The following NBAS variants were observed in gnomAD, a reference collection of about 807,000 sequenced individuals.
NBAS encodes the protein NAG/BC035112 fusion.
A neutral mutation model predicts 302.5 loss-of-function variants in NBAS; 219 were observed. That is an observed-to-expected ratio of 0.72 (90% confidence interval 0.65 to 0.81). NBAS has a LOEUF of 0.81. NBAS is among the 30% of genes least tolerant of loss of function. The probability of loss-of-function intolerance (pLI) is 0.00; values close to 1 mark genes in which losing one functional copy is unlikely to be tolerated. For missense variants in NBAS, 2,932 were observed against 2,841.6 expected, an observed-to-expected ratio of 1.03 and a Z score of -0.72; for synonymous variants, 1,118 against 1,021.6, an observed-to-expected ratio of 1.09 and a Z score of -1.80.
rs772495416 is a variant in NBAS at position 15,558,585 on chromosome 2, A to T, written c.167T>A (p.Ile56Asn). 1 of 1,612,476 alleles carries T rather than the reference A, an allele frequency of 6.2e-7. No homozygotes were observed. Among genetic ancestry groups the T allele is most frequent in the Non-Finnish European group, 8.5e-7 (1 of 1,179,216 alleles). The change falls in exon 2 of 52, where the codon ATT becomes AAT. Residue 56 changes from isoleucine (I) to asparagine (N), a missense_variant. Transcript: ENST00000281513. ...HGASFIITKAIRDRLLFLRQY... is the reference protein window; with the variant it reads ...HGASFIITKANRDRLLFLRQY... Reference sequence around the variant, plus strand: ...GAGAAATAAGCTATATTTACCTCGAATTGCTTTCGTGATGATAAAGGATGC... The same window carrying T: ...GAGAAATAAGCTATATTTACCTCGATTTGCTTTCGTGATGATAAAGGATGC...
Position 15,539,223 on chromosome 2 carries a change from C to A in NBAS, c.513G>T (p.Pro171=). ...LMGSELFVIS[P]ASSFIGDLSY... ...TTTTCAATTTAAGCTATGTACATACCGGGGAAATGACAAAGAGTTCACTTC... is the reference window on the plus strand; with the variant it reads ...TTTTCAATTTAAGCTATGTACATACAGGGGAAATGACAAAGAGTTCACTTC... Residue 171 remains proline (P), a splice_region_variant and synonymous_variant, in exon 7 of 52, where the codon CCG becomes CCT. Transcript: ENST00000281513. The A allele has an allele frequency of 1.2e-6, 2 of 1,614,112 alleles. No homozygotes were observed. The highest frequency in any genetic ancestry group is 1.7e-6 in the Non-Finnish European group (2 of 1,180,006).
At chr2:15,156,312 G>A in the NBAS span, among the ~76,000 whole-genome samples, 2 of 152,206 alleles carry the variant, frequency 1.3e-5, no homozygotes, top group Non-Finnish European at 2.9e-5. Context: ...TATAGGGCAG[G>A]GGGATAGGTT....
At chr2:15,221,100 A>G (rs1666930574) in intron 47 of NBAS, among the ~76,000 whole-genome samples, 1 of 152,232 alleles carries the variant, frequency 6.6e-6, no homozygotes, top group African/African-American at 2.4e-5. Context: ...AAATGGAAAC[A>G]ATTAGGGTGT....
chr2:15,538,032 A>C (rs75896361), intron 7 of NBAS, among the ~76,000 whole-genome samples: 3,105 of 152,344 alleles, frequency 0.02, 73 homozygotes, highest in East Asian at 0.057. Context: ...TCAAAAATTT[A>C]AAATCAAAGA....
chr2:15,253,304 C>G (rs1429803821), intron 44 of NBAS, among the ~76,000 whole-genome samples: 1 of 152,032 alleles, frequency 6.6e-6, no homozygotes, highest in Non-Finnish European at 1.5e-5. Context: ...CCCAGGAGTT[C>G]AATCACCAAA....
At chr2:14,782,490 A>G in the NBAS span, among the ~76,000 whole-genome samples, 4 of 152,196 alleles carry the variant, frequency 2.6e-5, no homozygotes, top group African/African-American at 7.2e-5. Flanking sequence ...AAAAGTGAAC[A>G]CTTATAAACT....
chr2:15,017,601 A>T, the NBAS span, among the ~76,000 whole-genome samples: 5,419 of 152,222 alleles, frequency 0.036, 140 homozygotes, highest in Non-Finnish European at 0.06. Flanking sequence ...AATGCAAATC[A>T]AAACCACAAT....
At chr2:15,098,762 C>A in the NBAS span, among the ~76,000 whole-genome samples, 4 of 141,692 alleles carry the variant, frequency 2.8e-5, no homozygotes, top group Admixed American at 2.3e-4. Flanking sequence ...ACCTACAGGG[C>A]AAATCTAGCT....
At chr2:15,194,319 C>T (rs1665507226) in intron 48 of NBAS, among the ~76,000 whole-genome samples, 1 of 151,978 alleles carries the variant, frequency 6.6e-6, no homozygotes, top group South Asian at 2.1e-4. Context: ...GACAGAACAA[C>T]GTTACCTATA....
At chr2:15,046,473 T>C in the NBAS span, among the ~76,000 whole-genome samples, 5 of 152,116 alleles carry the variant, frequency 3.3e-5, no homozygotes, top group Non-Finnish European at 5.9e-5. Context: ...AAACACAAAC[T>C]TTGAACACTA....
At chr2:15,050,421 T>C in the NBAS span, among the ~76,000 whole-genome samples, 5 of 152,042 alleles carry the variant, frequency 3.3e-5, no homozygotes, top group East Asian at 9.6e-4. Context: ...GGGAATGGAG[T>C]GCCTATAATG....
the NBAS span, among the ~76,000 whole-genome samples, chr2:14,797,054 T>C: frequency 7.2e-6 from 1 of 139,658 alleles, no homozygotes; most frequent in South Asian, 2.4e-4. Context: ...ATCGTGCCAC[T>C]CACTGCACTG....
At chr2:15,185,468 A>G (rs1263515667) in intron 50 of NBAS, among the ~76,000 whole-genome samples, 1 of 152,160 alleles carries the variant, frequency 6.6e-6, no homozygotes, top group Non-Finnish European at 1.5e-5. Context: ...CATGTTATTT[A>G]CATGTTGCTT....
At chr2:15,220,168 CG>C (rs1391315918) in intron 47 of NBAS, among the ~76,000 whole-genome samples, 36 of 139,068 alleles carry the variant, frequency 2.6e-4, no homozygotes, top group African/African-American at 9.4e-4. Context: ...GGCGGCTGGC[CG>C]GGCGGGGGGC....
chr2:15,336,462 G>A (rs924817256), intron 35 of NBAS, among the ~76,000 whole-genome samples: 13 of 152,054 alleles, frequency 8.5e-5, no homozygotes, highest in African/African-American at 2.9e-4. Flanking sequence ...GGTCAGGTGC[G>A]GTGGCTCACG....
chr2:15,471,238 A>C (rs1679944296), intron 16 of NBAS, among the ~76,000 whole-genome samples: 1 of 152,206 alleles, frequency 6.6e-6, no homozygotes, highest in South Asian at 2.1e-4. Flanking sequence ...AAAGAAAAAT[A>C]ATACAGAATT....
the NBAS span, among the ~76,000 whole-genome samples, chr2:15,039,946 G>T: frequency 3.3e-5 from 5 of 152,200 alleles, no homozygotes; most frequent in African/African-American, 4.8e-5. Context: ...CTTGTAATAG[G>T]TCAGGCAGGT....
chr2:15,436,960 T>C (rs1486224038), intron 21 of NBAS, among the ~76,000 whole-genome samples: 5 of 152,058 alleles, frequency 3.3e-5, no homozygotes, highest in Admixed American at 6.6e-5. Flanking sequence ...TATGTATAAA[T>C]AAATGAAAAA....
chr2:15,553,241 A>AT (rs1664467652), intron 5 of NBAS, among the ~76,000 whole-genome samples, 185 bp downstream of exon 5: 1 of 152,226 alleles, frequency 6.6e-6, no homozygotes, highest in Non-Finnish European at 1.5e-5. Flanking sequence ...AGATAAGCAT[A>AT]TAACTCTGAG....
Sources: allele counts gnomAD v4.1 joint callset (sites outside exome capture counted in the v4.1 genomes callset), GRCh38; gene constraint gnomAD v4.1.1; transcripts MANE v1.5; gene names NCBI Gene and HGNC (gene_info 2026-07-23, HGNC 2026-07-21).